ATP8B1: variants seen among roughly 807,000 people sequenced by gnomAD.
ATP8B1 encodes ATPase phospholipid transporting 8B1.
A neutral mutation model predicts 149.9 loss-of-function variants in ATP8B1; 80 were observed. That is an observed-to-expected ratio of 0.53 (90% CI 0.45 to 0.64). The LOEUF (loss-of-function observed/expected upper bound fraction) is 0.64, where lower values mean the gene tolerates loss of function less well. ATP8B1 is among the 30% of genes least tolerant of loss of function. ATP8B1 has a pLI of 0.00. For synonymous variants in ATP8B1, 536 were observed against 562.8 expected (o/e 0.95, Z 0.67); for missense variants, 1,247 against 1,552.6 (o/e 0.80, Z 3.31).
intron 1 of ATP8B1, among the ~76,000 whole-genome samples, chr18:57,736,068 G>T (rs796307998): frequency 2.9e-4 from 41 of 139,018 alleles, no homozygotes; most frequent in Admixed American, 2.7e-3. Context: ...GTGAGAACAT[G>T]TGGTGTTTAG....
chr18:57,735,967 G>GCCCCCCC (rs59140378), intron 1 of ATP8B1, among the ~76,000 whole-genome samples: 24 of 134,464 alleles, frequency 1.8e-4, no homozygotes, highest in East Asian at 7.1e-4. Flanking sequence ...CCCATTCCTT[G>GCCCCCCC]CCCCCCCCAC....
chr18:57,701,142 A>G (rs1305317216), intron 5 of ATP8B1, 42 bp from the exon 6 acceptor site: 4 of 1,612,378 alleles, frequency 2.5e-6, no homozygotes, highest in East Asian at 2.2e-5. Context: ...AAACATCTCA[A>G]TAGAGAAGGA....
intron 1 of ATP8B1, among the ~76,000 whole-genome samples, chr18:57,768,600 A>G (rs1041745943): frequency 6.6e-6 from 1 of 151,268 alleles, no homozygotes; most frequent in Admixed American, 6.6e-5. Flanking sequence ...AAAAAAAAAA[A>G]AAAGCTAAGC....
In ATP8B1 at chr18:57,692,425, ATTTTTTTTTTTTT is replaced by A. The variant is rs10547283; in HGVS notation, c.1030-441_1030-429del. ...AATGCTTATAGAAGATATTCAACAG[ATTTTTTTTTTTTT>A]TTTTTTTTTTTTTTTTAGACAGCGT... On this transcript the variant is annotated intron_variant, in intron 11 of 27. Transcript: ENST00000648908. 3.7e-3 allele frequency among the ~76,000 whole-genome samples: 210 copies of A among 57,076 alleles called. 2 individuals carry two copies. Among genetic ancestry groups the A allele is most frequent in the African/African-American group, 0.014 (204 of 14,872 alleles). 37.4% of individuals were successfully genotyped at this position (57,076 alleles called of 152,430 possible).
chr18:57,778,644 A>C (rs2080332181), intron 1 of ATP8B1, among the ~76,000 whole-genome samples: 1 of 152,162 alleles, frequency 6.6e-6, no homozygotes, highest in South Asian at 2.1e-4. Context: ...CCTGGGGATG[A>C]TCCACCTCCA....
rs199865703 is a variant in ATP8B1, at chr18:57,695,465, A to G, written c.766T>C (p.Leu256=). The change falls in exon 9 of 28, where the codon TTG becomes CTG. Residue 256 remains leucine (L), a synonymous_variant. Coordinates refer to ENST00000648908, the MANE Select transcript of ATP8B1 (RefSeq NM_001374385.1). ...TDQYLQREDT[L]ATFDGFIECE... ...TGGTACAAACCATCAAATGTAGCCA[A>G]TGTATCTTCTCTTTGGAGGTACTGG... 93 of 1,612,382 alleles carry G rather than the reference A, an allele frequency of 5.8e-5. No individual in the cohort carries two copies. Among genetic ancestry groups the G allele is most frequent in the Non-Finnish European group, 7.3e-5 (86 of 1,178,562 alleles).
intron 15 of ATP8B1, 43 bp from the exon 16 acceptor site, chr18:57,675,065 A>G (rs751476658): frequency 5.6e-6 from 9 of 1,601,990 alleles, no homozygotes; most frequent in Non-Finnish European, 7.7e-6. Context: ...CTGTAAAAAC[A>G]AATGCAGAGC....
intron 2 of ATP8B1, among the ~76,000 whole-genome samples, chr18:57,715,354 G>A (rs1021883755): frequency 6.6e-6 from 1 of 151,974 alleles, no homozygotes; most frequent in Non-Finnish European, 1.5e-5. Context: ...AAAGAAAGAA[G>A]TACACCTACA....
intron 1 of ATP8B1, among the ~76,000 whole-genome samples, chr18:57,797,703 C>CTTTTTTT (rs59261353): frequency 2.6e-3 from 255 of 96,248 alleles, no homozygotes; most frequent in Non-Finnish European, 3.4e-3. Context: ...TTCTTTCTTT[C>CTTTTTTT]TTTTTTTTTT....
rs372464421 is a variant in ATP8B1 at position 57,708,083 on chromosome 18, G to T, written c.182-1496C>A. On this transcript the variant is annotated intron_variant, in intron 2 of 27. Coordinates refer to ENST00000648908, the MANE Select transcript of ATP8B1 (RefSeq NM_001374385.1). The stretch of plus-strand genomic sequence containing the variant: ...TGAGGCAGGAGAATCTCTTGAACCT[G>T]GGAGGCAGAGGTTGCAGTGAGCCGA... Among the ~76,000 whole-genome samples, 341 of 150,506 alleles carry T rather than the reference G, an allele frequency of 2.3e-3. 2 individuals are homozygous for T. Among genetic ancestry groups the T allele is most frequent in the African/African-American group, 8.1e-3 (330 of 40,948 alleles).
intron 1 of ATP8B1, among the ~76,000 whole-genome samples, chr18:57,740,137 CTG>C (rs1599179117): frequency 1.3e-5 from 2 of 152,088 alleles, no homozygotes; most frequent in East Asian, 3.8e-4. Context: ...GTTGCCCAGA[CTG>C]GAGTTCAATG....
chr18:57,717,707 CA>C (rs922979243), intron 2 of ATP8B1, among the ~76,000 whole-genome samples: 1 of 148,630 alleles, frequency 6.7e-6, no homozygotes, highest in Non-Finnish European at 1.5e-5. Context: ...ATCAATGAAA[CA>C]AAAACGGTTT....
At chr18:57,753,908 A>T (rs2080048428) in intron 1 of ATP8B1, among the ~76,000 whole-genome samples, 1 of 147,294 alleles carries the variant, frequency 6.8e-6, no homozygotes, top group South Asian at 2.2e-4. Flanking sequence ...ACCCTGGGCT[A>T]CAGACAGAAC....
intron 1 of ATP8B1, among the ~76,000 whole-genome samples, chr18:57,732,331 G>A (rs202171549): frequency 0.11 from 1,360 of 12,776 alleles, 31 homozygotes; most frequent in South Asian, 0.12. Context: ...GTGTATATAT[G>A]TGTGTATATA....
chr18:57,660,908 T>G (rs1362651521), intron 22 of ATP8B1, among the ~76,000 whole-genome samples: 1 of 152,118 alleles, frequency 6.6e-6, no homozygotes, highest in South Asian at 2.1e-4. Flanking sequence ...AATAAAAATA[T>G]AAGGATAAAT....
In ATP8B1 at chr18:57,802,540, G is replaced by A. The variant is rs916363503; in HGVS notation, c.-26+458C>T. Among the ~76,000 whole-genome samples the A allele has an allele frequency of 5.3e-5, 8 of 152,152 alleles. No individual in the cohort carries two copies. Among genetic ancestry groups the A allele is most frequent in the Non-Finnish European group, 1.0e-4 (7 of 68,022 alleles). ...TACGTTTGGCCCGCAAGTCCTTTTC[G>A]GACACGTTGGCATCTGCTCCCAAAG... On this transcript the variant is annotated intron_variant, in intron 1 of 27. Transcript: ENST00000648908. This position sits in a 1 kb window ranked among gnomAD's most constrained non-coding sequence, Gnocchi z 4.9.
chr18:57,771,616 T>A (rs2080263951), intron 1 of ATP8B1, among the ~76,000 whole-genome samples: 1 of 152,194 alleles, frequency 6.6e-6, no homozygotes, highest in African/African-American at 2.4e-5. Context: ...ATATTTTGAT[T>A]CATTCAGGCC....
chr18:57,697,123 T>TG (rs766558813), intron 8 of ATP8B1, among the ~76,000 whole-genome samples: 5 of 151,976 alleles, frequency 3.3e-5, no homozygotes, highest in African/African-American at 4.8e-5. Context: ...TAGCTGGGTG[T>TG]GGGGGCTGGA....
chr18:57,654,120 T>G (rs767112543), intron 23 of ATP8B1, 45 bp from the exon 24 acceptor site: 1 of 1,510,602 alleles, frequency 6.6e-7, no homozygotes, highest in Non-Finnish European at 9.2e-7. Context: ...CAAAGACACA[T>G]GCCAGCCTAG....
Sources: allele counts gnomAD v4.1 joint callset (sites outside exome capture counted in the v4.1 genomes callset), GRCh38; gene constraint gnomAD v4.1.1; non-coding constraint Gnocchi (gnomAD v3.1); transcripts MANE v1.5; gene names NCBI Gene and HGNC (gene_info 2026-07-23, HGNC 2026-07-21).